TENM3: variants seen among roughly 807,000 people sequenced by gnomAD.
TENM3 encodes teneurin-3.
A neutral mutation model predicts 255.1 loss-of-function variants in TENM3; 63 were observed. The observed-to-expected ratio is 0.25, with a 90% CI of 0.20 to 0.30. The LOEUF is 0.30. Ranked by LOEUF, TENM3 falls within the 10% of genes least tolerant of loss-of-function variation. The probability of loss-of-function intolerance (pLI) is 1.00; values close to 1 mark genes in which losing one functional copy is unlikely to be tolerated. For synonymous variants in TENM3, 1,306 were observed against 1,322.3 expected, an observed-to-expected ratio of 0.99 and a Z score of 0.27; for missense variants, 2,929 against 3,461.1, an observed-to-expected ratio of 0.85 and a Z score of 3.86.
intron 3 of TENM3, among the ~76,000 whole-genome samples, chr4:182,498,512 A>C (rs1736014381): frequency 6.6e-6 from 1 of 151,956 alleles, no homozygotes; most frequent in Non-Finnish European, 1.5e-5. Flanking sequence ...TTCTTCCATT[A>C]GCTTTTTCAG....
chr4:181,495,672 A>G, the TENM3 span, among the ~76,000 whole-genome samples: 2 of 152,142 alleles, frequency 1.3e-5, no homozygotes, highest in Non-Finnish European at 1.5e-5. Flanking sequence ...AAATAAAATT[A>G]TAGTCTTAGA....
chr4:182,311,814 TC>T (rs1200849465), intron 1 of TENM3, among the ~76,000 whole-genome samples: 1 of 152,104 alleles, frequency 6.6e-6, no homozygotes, highest in East Asian at 1.9e-4. Context: ...TTGAAGAAGC[TC>T]CCCCAGTGGC....
chr4:182,000,947 G>A, the TENM3 span, among the ~76,000 whole-genome samples: 181 of 150,762 alleles, frequency 1.2e-3, 1 homozygote, highest in South Asian at 0.021. Flanking sequence ...GCAATCTCAG[G>A]AATGTTTTGA....
chr4:182,482,014 C>G (rs904931285), intron 3 of TENM3, among the ~76,000 whole-genome samples: 1 of 152,098 alleles, frequency 6.6e-6, no homozygotes, highest in Non-Finnish European at 1.5e-5. Flanking sequence ...AATGCAGATA[C>G]TGTATCTTAA....
the TENM3 span, among the ~76,000 whole-genome samples, chr4:181,742,220 T>G: frequency 1.3e-5 from 2 of 152,288 alleles, no homozygotes; most frequent in South Asian, 4.1e-4. Flanking sequence ...TCCTATCATT[T>G]TGCTGCCAAT....
chr4:182,478,038 T>A (rs897887474), intron 3 of TENM3, among the ~76,000 whole-genome samples: 9 of 152,152 alleles, frequency 5.9e-5, no homozygotes, highest in African/African-American at 2.2e-4. Context: ...GTTTCAACTG[T>A]AAAATGTCTT....
At chr4:181,729,947 C>T in the TENM3 span, among the ~76,000 whole-genome samples, 2 of 152,162 alleles carry the variant, frequency 1.3e-5, no homozygotes, top group African/African-American at 4.8e-5. Context: ...AAAAGACCAT[C>T]AGGATGGATA....
At position 182,555,366 on chromosome 4, in the gene TENM3, T is replaced by A. The variant is rs530320970; in HGVS notation, c.512-45558T>A. 7.6e-4 allele frequency among the ~76,000 whole-genome samples: 116 copies of A among 152,312 alleles called. 1 individual carries two copies. The highest frequency in any genetic ancestry group is 1.5e-3 in the Non-Finnish European group (99 of 68,034). On this transcript the variant is annotated intron_variant, in intron 3 of 27. Coordinates refer to ENST00000511685, the MANE Select transcript of TENM3 (RefSeq NM_001080477.4). ...ACTATGTAAGTCTTACTTAAAATAT[T>A]ATGCTTATATGGTAGACATTATGTT...
At chr4:182,590,808 C>G (rs1268063041) in intron 3 of TENM3, among the ~76,000 whole-genome samples, 21 of 150,774 alleles carry the variant, frequency 1.4e-4, no homozygotes, top group Non-Finnish European at 3.0e-5. Flanking sequence ...GAGATTGCAC[C>G]ACTGCACTCC....
the TENM3 span, among the ~76,000 whole-genome samples, chr4:181,947,257 C>T: frequency 6.6e-6 from 1 of 152,166 alleles, no homozygotes; most frequent in Non-Finnish European, 1.5e-5. Flanking sequence ...GCTACGTACA[C>T]TTGTGACAAA....
chr4:182,633,658 A>G (rs1340928020), intron 5 of TENM3, among the ~76,000 whole-genome samples: 1 of 152,202 alleles, frequency 6.6e-6, no homozygotes, highest in East Asian at 1.9e-4. Context: ...TGTTCTAGAA[A>G]CTGTATGAAT....
chr4:182,061,461 C>T, the TENM3 span, among the ~76,000 whole-genome samples: 1 of 152,098 alleles, frequency 6.6e-6, no homozygotes, highest in South Asian at 2.1e-4. Flanking sequence ...GAATTTCATA[C>T]ATCAGTTTTG....
intron 1 of TENM3, among the ~76,000 whole-genome samples, chr4:182,308,002 C>G (rs1762232046): frequency 3.3e-5 from 5 of 152,232 alleles, no homozygotes; most frequent in Admixed American, 3.3e-4. Flanking sequence ...CCTACTTTAG[C>G]AGACATCTGA....
the TENM3 span, among the ~76,000 whole-genome samples, chr4:181,650,517 C>G: frequency 6.6e-6 from 1 of 152,176 alleles, no homozygotes; most frequent in Admixed American, 6.5e-5. Flanking sequence ...TCATCCGCTT[C>G]TCTTTCTTCC....
At chr4:181,888,591 C>CGTGTATGTGTGTGT in the TENM3 span, among the ~76,000 whole-genome samples, 1 of 90,172 alleles carries the variant, frequency 1.1e-5, no homozygotes, top group Non-Finnish European at 2.0e-5. Context: ...TATATATATG[C>CGTGTATGTGTGTGT]GTGTGTGTGT....
the TENM3 span, among the ~76,000 whole-genome samples, chr4:181,594,574 G>A: frequency 6.6e-5 from 10 of 152,094 alleles, no homozygotes; most frequent in Non-Finnish European, 1.2e-4. Context: ...TCAATATCAA[G>A]AACTCCAAAC....
chr4:182,219,153 C>T (rs547772288), intron 1 of TENM3, among the ~76,000 whole-genome samples: 43 of 152,214 alleles, frequency 2.8e-4, no homozygotes, highest in Admixed American at 6.5e-4. Flanking sequence ...ACCTGGGAGG[C>T]GGAGCTTGCA....
chr4:181,642,628 A>G, the TENM3 span, among the ~76,000 whole-genome samples: 1 of 152,126 alleles, frequency 6.6e-6, no homozygotes, highest in East Asian at 1.9e-4. Context: ...TCTTTAATCC[A>G]TTTTGAGTTA....
intron 19 of TENM3, among the ~76,000 whole-genome samples, chr4:182,749,543 A>G (rs1384616660): frequency 1.3e-5 from 2 of 152,210 alleles, no homozygotes; most frequent in East Asian, 3.9e-4. Flanking sequence ...AGTATGCGCT[A>G]GGCCCTGTTC....
Sources: gnomAD v4.1 joint callset for allele counts (sites outside exome capture counted in the v4.1 genomes callset) on GRCh38, gnomAD v4.1.1 for gene constraint, MANE v1.5 for transcripts, NCBI Gene and HGNC (gene_info 2026-07-23, HGNC 2026-07-21) for gene names.